Variants in MAT1A observed in about 807,000 individuals in gnomAD.
MAT1A encodes the protein methionine adenosyltransferase 1A.
Under a neutral mutation model 44.0 loss-of-function variants are expected in MAT1A, and 19 were observed. That is an observed-to-expected ratio of 0.43 (90% CI 0.30 to 0.63). The LOEUF is 0.63. MAT1A is among the 30% of genes least tolerant of loss of function. The probability of loss-of-function intolerance (pLI) is 0.12; values close to 1 mark genes in which losing one functional copy is unlikely to be tolerated. For missense variants in MAT1A, 397 were observed against 531.0 expected (o/e 0.75, Z 2.48); for synonymous variants, 205 against 205.6 (o/e 1.00, Z 0.03).
intron 3 of MAT1A, among the ~76,000 whole-genome samples, chr10:80,283,596 T>C (rs1222636994): frequency 6.6e-6 from 1 of 152,256 alleles, no homozygotes; most frequent in Non-Finnish European, 1.5e-5. Context: ...GCAGCGAGCA[T>C]GTCCCCAAAG....
chr10:80,274,710 C>G (rs2132701312), intron 7 of MAT1A, 57 bp from the exon 8 acceptor site: 1 of 1,611,476 alleles, frequency 6.2e-7, no homozygotes. Context: ...CTGCCCCTTT[C>G]AGAAGCTTTG....
In MAT1A at chr10:80,276,387, C is replaced by T. The variant is rs1589480590; in HGVS notation, c.757G>A (p.Gly253Arg). The T allele has an allele frequency of 5.0e-6, 8 of 1,614,004 alleles. No homozygotes were observed. Among genetic ancestry groups the T allele is most frequent in the African/African-American group, 4.0e-5 (3 of 74,952 alleles). The change falls in exon 6 of 9, where the codon GGA (glycine) becomes AGA (arginine). Residue 253 changes from glycine to arginine, a missense_variant. Gly to Arg is a moderately radical substitution (Grantham distance 125). Coordinates refer to ENST00000372213, the MANE Select transcript of MAT1A (RefSeq NM_000429.3). ...HLQPSGRFVI[G>R]GPQGDAGVTG... Reference sequence around the variant, plus strand: ...AGACAAGAATGCACCTGGGGACCTCCGATGACAAACCGCCCACTGGGCTGC... The same window carrying T: ...AGACAAGAATGCACCTGGGGACCTCTGATGACAAACCGCCCACTGGGCTGC...
chr10:80,274,205 A>T (rs1454827413), intron 8 of MAT1A, among the ~76,000 whole-genome samples: 1 of 152,174 alleles, frequency 6.6e-6, no homozygotes, highest in African/African-American at 2.4e-5. Flanking sequence ...TGCTGACTTG[A>T]TTCCCAGCCA....
At chr10:80,275,602 C>A (rs927570112) in intron 6 of MAT1A, 11 of 310,486 alleles carry the variant, frequency 3.5e-5, no homozygotes, top group Middle Eastern at 1.1e-3. Flanking sequence ...GTCCTCTGGG[C>A]AACACCAGTC....
rs1034423860 is a variant in MAT1A, at chr10:80,289,015, T to C, written c.91+318A>G. On this transcript the variant is annotated intron_variant, in intron 1 of 8. Coordinates refer to ENST00000372213, the MANE Select transcript of MAT1A (RefSeq NM_000429.3). ...TTGCTCTGAAGAGCTCTGGTAAAAG[T>C]GACTCCTACAGGTACGAAGTTACAG... Among the ~76,000 whole-genome samples the C allele has an allele frequency of 1.1e-4, 17 of 152,268 alleles. 2 individuals carry two copies. The South Asian group carries it at 1.5e-3, about 13-fold the overall frequency.
At chr10:80,280,063 T>C (rs992155727) in intron 5 of MAT1A, 110 bp downstream of exon 5, 1 of 1,307,538 alleles carries the variant, frequency 7.6e-7, no homozygotes, top group Non-Finnish European at 1.1e-6. Context: ...ATTCTTTGAA[T>C]GCCCAGATTG....
In MAT1A at chr10:80,280,357, C is replaced by A. The variant is rs1160363291; in HGVS notation, c.406-41G>T. The A allele has an allele frequency of 1.9e-6, 3 of 1,611,562 alleles. No individual in the cohort carries two copies. In the East Asian group the frequency reaches 6.7e-5, roughly 36 times the overall value. On this transcript the variant is annotated intron_variant, in intron 4 of 8. Coordinates refer to ENST00000372213, the MANE Select transcript of MAT1A (RefSeq NM_000429.3). ...AGGCTGAGCGGCGCCCACCCTAGACCAAGAGGACCGCAGCTCTCTCCAAGC... is the reference window on the plus strand; with the variant it reads ...AGGCTGAGCGGCGCCCACCCTAGACAAAGAGGACCGCAGCTCTCTCCAAGC...
chr10:80,275,498 T>C (rs1841474860), intron 6 of MAT1A: 2 of 469,970 alleles, frequency 4.3e-6, no homozygotes, highest in Non-Finnish European at 3.9e-6. Context: ...TCCATCACAA[T>C]GGAGAGATCC....
At chr10:80,280,406 C>G (rs71481596) in intron 4 of MAT1A, 90 bp from the exon 5 acceptor site, 2 of 1,523,374 alleles carry the variant, frequency 1.3e-6, no homozygotes, top group South Asian at 2.3e-5. Flanking sequence ...GGTGTGTCCA[C>G]GTTGATTGGG....
At chr10:80,287,691 C>G (rs1048415762) in intron 1 of MAT1A, among the ~76,000 whole-genome samples, 1 of 152,186 alleles carries the variant, frequency 6.6e-6, no homozygotes, top group African/African-American at 2.4e-5. Context: ...ACATGAGGCT[C>G]ATAGCCATGG....
intron 7 of MAT1A, among the ~76,000 whole-genome samples, 166 bp from the exon 8 acceptor site, chr10:80,274,819 C>T (rs970160462): frequency 5.3e-5 from 8 of 152,252 alleles, no homozygotes; most frequent in African/African-American, 7.2e-5. Flanking sequence ...TTCTTCTACA[C>T]GCCTCTCTCC....
intron 8 of MAT1A, among the ~76,000 whole-genome samples, 186 bp from the exon 9 acceptor site, chr10:80,274,069 C>T (rs1841447565): frequency 6.6e-6 from 1 of 152,156 alleles, no homozygotes; most frequent in African/African-American, 2.4e-5. Flanking sequence ...TTTTATAGCC[C>T]CACGGATGCT....
chr10:80,280,583 C>G lies in MAT1A; in HGVS notation c.405+97G>C, dbSNP rs540299215. 21 of 1,174,796 alleles carry G rather than the reference C, an allele frequency of 1.8e-5. No homozygotes were observed. The African/African-American group carries it at 2.3e-4, about 13-fold the overall frequency. The allele number at this position is 1,174,796 out of a possible 1,614,324, so 72.8% of individuals were successfully genotyped here. A position where few individuals can be genotyped will look rare whatever the true frequency, so the allele number is the denominator to read the frequency against. On this transcript the variant is annotated intron_variant, in intron 4 of 8. Coordinates refer to ENST00000372213, the MANE Select transcript of MAT1A (RefSeq NM_000429.3). ...TCCCAACTCGCTCCTGGCTATCGTG[C>G]TAGGACAAGAATCCACCCCTCAGTG...
Position 80,274,541 on chromosome 10 carries a change from A to G in MAT1A, c.1064T>C (p.Leu355Pro), listed in dbSNP as rs1841454932. 3 of 1,614,092 alleles carry G rather than the reference A, an allele frequency of 1.9e-6. No individual in the cohort carries two copies. Among genetic ancestry groups the G allele is most frequent in the Non-Finnish European group, 2.5e-6 (3 of 1,180,018 alleles). The change falls in exon 8 of 9, where the codon CTC becomes CCC. Residue 355 changes from leucine (L) to proline (P), a missense_variant. Transcript: ENST00000372213. The part of the protein sequence containing the change: ...LLDVVHKNFD[L>P]RPGVIVRDLD... The stretch of plus-strand genomic sequence containing the variant: ...TTACCTGACAATGACGCCCGGCCGG[A>G]GGTCGAAGTTCTTATGCACCACATC...
At position 80,273,982 on chromosome 10, in the gene MAT1A, A is replaced by C. The variant is rs567190861; in HGVS notation, c.1086-99T>G. The C allele has an allele frequency of 4.6e-6, 4 of 862,442 alleles. No homozygotes were observed. In the South Asian group the frequency reaches 5.3e-5, roughly 11 times the overall value. 53.4% of individuals were successfully genotyped at this position (862,442 alleles called of 1,614,324 possible). A position where few individuals can be genotyped will look rare whatever the true frequency, so the allele number is the denominator to read the frequency against. The stretch of plus-strand genomic sequence containing the variant: ...AGGAGGGAGCAACGAACTGTAACAC[A>C]GCCCTCCTCGCATGGCACTACGCCT... On this transcript the variant is annotated intron_variant, in intron 8 of 8. Coordinates refer to ENST00000372213, the MANE Select transcript of MAT1A (RefSeq NM_000429.3).
chr10:80,282,394 A>G (rs1042224539), intron 3 of MAT1A, among the ~76,000 whole-genome samples: 5 of 152,142 alleles, frequency 3.3e-5, no homozygotes, highest in Admixed American at 3.3e-4. Context: ...GGCACAGGGA[A>G]CCTCAGCCAG....
chr10:80,278,263 C>T (rs1841517084), intron 5 of MAT1A, among the ~76,000 whole-genome samples: 1 of 152,136 alleles, frequency 6.6e-6, no homozygotes, highest in South Asian at 2.1e-4. Context: ...CCATCCCACC[C>T]TCCCTTCCTT....
intron 3 of MAT1A, among the ~76,000 whole-genome samples, chr10:80,282,578 A>G (rs1433741932): frequency 6.6e-6 from 1 of 152,230 alleles, no homozygotes; most frequent in Non-Finnish European, 1.5e-5. Context: ...TCCGTGTGGT[A>G]ACGCCTCAGG....
intron 2 of MAT1A, among the ~76,000 whole-genome samples, 192 bp downstream of exon 2, chr10:80,285,320 T>A (rs570940277): frequency 1.5e-4 from 23 of 152,372 alleles, no homozygotes; most frequent in Admixed American, 1.4e-3. Context: ...ATTATCTATT[T>A]GTTTCATGGT....
Sources: allele counts gnomAD v4.1 joint callset (sites outside exome capture counted in the v4.1 genomes callset), GRCh38; gene constraint gnomAD v4.1.1; transcripts MANE v1.5; gene names NCBI Gene and HGNC (gene_info 2026-07-23, HGNC 2026-07-21).